Variants in SLC41A2 observed in about 807,000 individuals in gnomAD.
The protein encoded by SLC41A2 is SLC41A1-like 1.
Under a neutral mutation model 58.3 loss-of-function variants are expected in SLC41A2, and 32 were observed. The ratio of observed to expected loss-of-function variants is 0.55; its 90% CI spans 0.41 to 0.74. The LOEUF (loss-of-function observed/expected upper bound fraction) is 0.74, where lower values mean the gene tolerates loss of function less well. SLC41A2 is among the 30% of genes least tolerant of loss of function. SLC41A2 has a pLI of 0.00. For missense variants in SLC41A2, 514 were observed against 680.6 expected (o/e 0.76, Z 2.72); for synonymous variants, 190 against 235.0 (o/e 0.81, Z 1.75).
intron 1 of SLC41A2, 40 bp downstream of exon 1, chr12:104,958,048 G>C (rs2048239143): frequency 6.6e-6 from 1 of 152,218 alleles, no homozygotes; most frequent in Non-Finnish European, 1.5e-5. Flanking sequence ...GCCCGAACGC[G>C]GCGCCGCGGC....
intron 10 of SLC41A2, among the ~76,000 whole-genome samples, chr12:104,818,868 C>T (rs2041520308): frequency 6.9e-6 from 1 of 145,264 alleles, no homozygotes; most frequent in South Asian, 2.2e-4. Context: ...CAGGGCAAGA[C>T]TCCATCTCAA....
intron 10 of SLC41A2, among the ~76,000 whole-genome samples, chr12:104,841,968 A>G (rs1053313545): frequency 2.0e-5 from 3 of 152,096 alleles, no homozygotes; most frequent in African/African-American, 7.2e-5. Context: ...AGAATATCCA[A>G]TCAAATTAGA....
intron 10 of SLC41A2, among the ~76,000 whole-genome samples, chr12:104,830,217 T>C (rs1346819807): frequency 6.6e-6 from 1 of 152,232 alleles, no homozygotes; most frequent in African/African-American, 2.4e-5. Flanking sequence ...CAGTTGTCCC[T>C]CTATATCCAT....
At chr12:104,814,185 C>G (rs1219881706) in intron 10 of SLC41A2, among the ~76,000 whole-genome samples, 1 of 152,158 alleles carries the variant, frequency 6.6e-6, no homozygotes, top group East Asian at 1.9e-4. Context: ...AGGTGGATCA[C>G]TTGAGCCCAG....
chr12:104,859,669 T>C (rs1443475806), intron 8 of SLC41A2, among the ~76,000 whole-genome samples: 1 of 152,198 alleles, frequency 6.6e-6, no homozygotes, highest in African/African-American at 2.4e-5. Flanking sequence ...GTAGAAATTT[T>C]AGACATGAAA....
At chr12:104,891,901 A>G (rs1364415312) in intron 4 of SLC41A2, among the ~76,000 whole-genome samples, 1 of 152,242 alleles carries the variant, frequency 6.6e-6, no homozygotes, top group Non-Finnish European at 1.5e-5. Context: ...CCAACAGTGA[A>G]TAATCTGAAA....
At position 104,886,803 on chromosome 12, in the gene SLC41A2, C is replaced by CA. The variant is rs372541605; in HGVS notation, c.881-365dup. Among the ~76,000 whole-genome samples, 680 of 148,806 alleles carry CA rather than the reference C, an allele frequency of 4.6e-3. 4 individuals are homozygous for CA. The highest frequency in any genetic ancestry group is 0.014 in the African/African-American group (570 of 40,668). ...ACCCTCAAATAAAGTATGAAAACAT[C>CA]AAAAAAAAAGGTGAGTCATATGTAT... On this transcript the variant is annotated intron_variant, in intron 5 of 10. Coordinates refer to ENST00000258538, the MANE Select transcript of SLC41A2 (RefSeq NM_001352171.3).
intron 8 of SLC41A2, among the ~76,000 whole-genome samples, chr12:104,860,655 C>T (rs1046186278): frequency 6.6e-6 from 1 of 151,884 alleles, no homozygotes; most frequent in East Asian, 1.9e-4. Flanking sequence ...CTTATTGTAG[C>T]CTCTAACTCC....
chr12:104,847,585 CAG>C (rs1426359506), intron 8 of SLC41A2, among the ~76,000 whole-genome samples: 2 of 118,768 alleles, frequency 1.7e-5, no homozygotes, highest in Non-Finnish European at 3.2e-5. Flanking sequence ...AGCCTGACGA[CAG>C]AGTGAGACTC....
intron 8 of SLC41A2, among the ~76,000 whole-genome samples, chr12:104,855,283 A>C (rs2042979044): frequency 6.6e-6 from 1 of 152,214 alleles, no homozygotes; most frequent in Admixed American, 6.5e-5. Context: ...AAAAACACCC[A>C]TGTACCCACC....
chr12:104,922,448 G>A (rs1234985021), intron 2 of SLC41A2, among the ~76,000 whole-genome samples: 2 of 151,998 alleles, frequency 1.3e-5, no homozygotes, highest in African/African-American at 4.8e-5. Context: ...TGATAAAGGG[G>A]TCAATTCAGC....
intron 8 of SLC41A2, 52 bp downstream of exon 8, chr12:104,861,239 A>G (rs183969230): frequency 7.5e-7 from 1 of 1,340,694 alleles, no homozygotes; most frequent in African/African-American, 1.4e-5. Context: ...ACCTAAGACT[A>G]AGAGGATACG....
At chr12:104,841,271 G>A (rs1017053807) in intron 10 of SLC41A2, among the ~76,000 whole-genome samples, 2 of 151,772 alleles carry the variant, frequency 1.3e-5, no homozygotes, top group African/African-American at 4.8e-5. Flanking sequence ...GGATACCTAT[G>A]TCAGTGAGGA....
At chr12:104,806,825 G>A (rs1055290800) in intron 10 of SLC41A2, among the ~76,000 whole-genome samples, 4 of 152,012 alleles carry the variant, frequency 2.6e-5, no homozygotes, top group African/African-American at 9.7e-5. Context: ...GTGATGATGA[G>A]CATTTTTTCA....
At chr12:104,941,808 CA>C (rs1202485152) in intron 1 of SLC41A2, among the ~76,000 whole-genome samples, 2 of 152,236 alleles carry the variant, frequency 1.3e-5, no homozygotes, top group African/African-American at 4.8e-5. Context: ...CAGCAAATCA[CA>C]ATGGCACACG....
chr12:104,836,752 T>C (rs1032577049), intron 10 of SLC41A2, among the ~76,000 whole-genome samples: 1 of 152,222 alleles, frequency 6.6e-6, no homozygotes, highest in Admixed American at 6.5e-5. Context: ...GGAATACAAT[T>C]GTTTTCAGGA....
intron 1 of SLC41A2, among the ~76,000 whole-genome samples, chr12:104,932,660 A>G (rs1053437966): frequency 9.2e-5 from 14 of 151,432 alleles, no homozygotes; most frequent in African/African-American, 2.9e-4. Flanking sequence ...ATAGTAACCA[A>G]AACAGCATGA....
chr12:104,915,213 A>G (rs1593132281), intron 2 of SLC41A2, among the ~76,000 whole-genome samples: 2 of 152,376 alleles, frequency 1.3e-5, no homozygotes, highest in South Asian at 2.1e-4. Context: ...GAACACATCT[A>G]TAGACTCCTA....
chr12:104,854,097 T>C (rs2042928263), intron 8 of SLC41A2, among the ~76,000 whole-genome samples: 1 of 151,438 alleles, frequency 6.6e-6, no homozygotes, highest in Non-Finnish European at 1.5e-5. Flanking sequence ...AAACTGGTTC[T>C]TGAGAGGAGA....
Sources: gnomAD v4.1 joint callset for allele counts (sites outside exome capture counted in the v4.1 genomes callset) on GRCh38, gnomAD v4.1.1 for gene constraint, MANE v1.5 for transcripts, NCBI Gene and HGNC (gene_info 2026-07-23, HGNC 2026-07-21) for gene names.